OSBPL10: variants seen among roughly 807,000 people sequenced by gnomAD.
The protein encoded by OSBPL10 is oxysterol-binding protein-related protein 10.
In OSBPL10, 49 loss-of-function variants were observed where a neutral mutation model predicts 81.7. The observed-to-expected ratio is 0.60, with a 90% CI of 0.48 to 0.76. The LOEUF (loss-of-function observed/expected upper bound fraction) is 0.76. Among genes scored for constraint, OSBPL10 ranks in the 30% least tolerant of loss-of-function variants. OSBPL10 has a pLI of 0.00. For synonymous variants in OSBPL10, 419 were observed against 383.6 expected (o/e 1.09, Z -1.08); for missense variants, 923 against 987.8 (o/e 0.93, Z 0.88).
chr3:31,710,030 T>C (rs1559427440), intron 6 of OSBPL10, among the ~76,000 whole-genome samples: 1 of 152,138 alleles, frequency 6.6e-6, no homozygotes, highest in Admixed American at 6.5e-5. Flanking sequence ...ATAAAAGTCA[T>C]AGTGAGGATA....
In OSBPL10 at chr3:31,965,359, G is replaced by T. The variant is rs187322331; in HGVS notation, c.281+15540C>A. 5.0e-3 allele frequency among the ~76,000 whole-genome samples: 597 copies of T among 118,938 alleles called. 6 individuals carry two copies. Among genetic ancestry groups the T allele is most frequent in the Middle Eastern group, 0.041 (9 of 220 alleles). The allele number at this position is 118,938 out of a possible 152,430, so 78.0% of individuals were successfully genotyped here. A position where few individuals can be genotyped will look rare whatever the true frequency, so the allele number is the denominator to read the frequency against. On this transcript the variant is annotated intron_variant, in intron 1 of 11. Transcript: ENST00000396556. ...CACTCCAGCCTGGGTGACAGAGCAA[G>T]ACTCCATCTCAAAAAATATATATAT...
chr3:31,927,325 T>C (rs1697103729), intron 1 of OSBPL10, among the ~76,000 whole-genome samples: 1 of 152,234 alleles, frequency 6.6e-6, no homozygotes, highest in Admixed American at 6.5e-5. Flanking sequence ...AACCACATCA[T>C]ATCATAAAAG....
intron 4 of OSBPL10, among the ~76,000 whole-genome samples, chr3:31,781,552 A>T (rs937946102): frequency 1.3e-5 from 2 of 152,190 alleles, no homozygotes; most frequent in Non-Finnish European, 2.9e-5. Context: ...TACCTAGGAA[A>T]CACTAAAGAC....
chr3:32,000,865 A>G (rs1413882579), intron 2 of OSBPL10, among the ~76,000 whole-genome samples: 8 of 152,040 alleles, frequency 5.3e-5, no homozygotes, highest in Non-Finnish European at 1.2e-4. Flanking sequence ...ACAACTGAAT[A>G]CTCTAAGACG....
At chr3:31,670,073 C>T (rs139172959) in intron 9 of OSBPL10, among the ~76,000 whole-genome samples, 24 of 152,308 alleles carry the variant, frequency 1.6e-4, no homozygotes, top group East Asian at 7.7e-4. Context: ...TAGCACTGAA[C>T]GTGAAGTACA....
chr3:31,917,287 A>ACC (rs1317553466), intron 1 of OSBPL10, among the ~76,000 whole-genome samples: 5 of 152,204 alleles, frequency 3.3e-5, no homozygotes, highest in Non-Finnish European at 7.3e-5. Context: ...CCAAATGAGA[A>ACC]AGTAATTCAA....
Position 32,033,591 on chromosome 3 carries a change from G to A in OSBPL10, n.298+12900C>T, listed in dbSNP as rs181890710. Among the ~76,000 whole-genome samples the A allele has an allele frequency of 2.1e-4, 32 of 152,248 alleles. No homozygotes were observed. The East Asian group carries it at 5.6e-3, about 27-fold the overall frequency. On this transcript the variant is annotated intron_variant and non_coding_transcript_variant, in intron 2 of 3. Transcript: ENST00000479173. ...AGTGATATCAACTTCCCTAGACTGTGTAAAAAAGAGACAGAGTTTCATTAA... is the reference window on the plus strand; with the variant it reads ...AGTGATATCAACTTCCCTAGACTGTATAAAAAAGAGACAGAGTTTCATTAA...
At position 31,816,087 on chromosome 3, in the gene OSBPL10, G is replaced by A. The variant is rs563615805; in HGVS notation, c.729+13953C>T. 3.1e-3 allele frequency among the ~76,000 whole-genome samples: 247 copies of A among 79,298 alleles called. 1 individual carries two copies. The highest frequency in any genetic ancestry group is 9.0e-3 in the African/African-American group (240 of 26,654). The allele number at this position is 79,298 out of a possible 152,430, so 52.0% of individuals were successfully genotyped here. A position where few individuals can be genotyped will look rare whatever the true frequency, so the allele number is the denominator to read the frequency against. On this transcript the variant is annotated intron_variant, in intron 4 of 11. Transcript: ENST00000396556. Reference sequence around the variant, plus strand: ...TCAGCAATACTCTAATCGTCAGGAGGAAAGGTTTGAAAGGTATAAAGTCAG... The same window carrying A: ...TCAGCAATACTCTAATCGTCAGGAGAAAAGGTTTGAAAGGTATAAAGTCAG...
intron 4 of OSBPL10, among the ~76,000 whole-genome samples, chr3:31,805,184 A>C (rs2125458796): frequency 6.6e-6 from 1 of 152,106 alleles, no homozygotes; most frequent in Middle Eastern, 3.4e-3. Context: ...GGTATTTCTG[A>C]CTCCTCCTTT....
chr3:31,799,965 C>T (rs141832869), intron 4 of OSBPL10, among the ~76,000 whole-genome samples: 3 of 152,322 alleles, frequency 2.0e-5, no homozygotes, highest in African/African-American at 7.2e-5. Context: ...ACCTTGGCCT[C>T]CCAGAGTGCT....
intron 2 of OSBPL10, among the ~76,000 whole-genome samples, chr3:31,876,756 G>A (rs1214212733): frequency 2.6e-5 from 4 of 152,018 alleles, no homozygotes; most frequent in South Asian, 2.1e-4. Context: ...TGAAATACCC[G>A]TTATAAGAAT....
chr3:31,804,789 T>G (rs1398756077), intron 4 of OSBPL10, among the ~76,000 whole-genome samples: 1 of 152,234 alleles, frequency 6.6e-6, no homozygotes, highest in African/African-American at 2.4e-5. Flanking sequence ...AAAATTAAGC[T>G]TTTTCAGAAG....
intron 2 of OSBPL10, chr3:31,986,526 A>G (rs1382294725): frequency 6.6e-6 from 1 of 152,160 alleles, no homozygotes; most frequent in Non-Finnish European, 1.5e-5. Context: ...CGGGCAGATC[A>G]CGAGGTCAGG....
At position 31,769,458 on chromosome 3, in the gene OSBPL10, ACAAAAAAAAAAC is replaced by A. The variant is rs1302795714; in HGVS notation, c.730-21350_730-21339del. On this transcript the variant is annotated intron_variant, in intron 4 of 11. Coordinates refer to ENST00000396556, the MANE Select transcript of OSBPL10 (RefSeq NM_017784.5). Reference sequence around the variant, plus strand: ...AAAACTCCATCTCAAAAAAAAAAAAACAAAAAAAAAACAAAAAAAAACAGAATAAAAATATAT... The same window carrying A: ...AAAACTCCATCTCAAAAAAAAAAAAAAAAAAAAAACAGAATAAAAATATAT... Among the ~76,000 whole-genome samples the A allele has an allele frequency of 8.9e-4, 79 of 88,876 alleles. 15 individuals are homozygous for A. Among genetic ancestry groups the A allele is most frequent in the African/African-American group, 3.1e-3 (71 of 23,016 alleles). The allele number at this position is 88,876 out of a possible 152,430, so 58.3% of individuals were successfully genotyped here.
intron 8 of OSBPL10, among the ~76,000 whole-genome samples, chr3:31,674,583 TTAGATAGATAGATAGA>T (rs55696700): frequency 0.12 from 18,428 of 147,864 alleles, 1,301 homozygotes; most frequent in East Asian, 0.25. Flanking sequence ...GATAGATAGA[TTAGATAGATAGATAGA>T]TAGATAGATA....
chr3:31,882,448 C>T (rs1403316695), intron 1 of OSBPL10, among the ~76,000 whole-genome samples: 1 of 152,154 alleles, frequency 6.6e-6, no homozygotes, highest in African/African-American at 2.4e-5. Context: ...AATCTTGGGC[C>T]CCACCCAAGC....
At chr3:31,675,899 TTG>T (rs1700458745) in intron 8 of OSBPL10, among the ~76,000 whole-genome samples, 2 of 147,564 alleles carry the variant, frequency 1.4e-5, no homozygotes, top group African/African-American at 5.1e-5. Flanking sequence ...TGAGCCGAGA[TTG>T]CGCCACTGCA....
At chr3:31,960,241 C>T (rs548195744) in intron 1 of OSBPL10, 16 of 152,280 alleles carry the variant, frequency 1.1e-4, no homozygotes, top group Admixed American at 6.5e-4. Context: ...CCTCCCAAAA[C>T]AGCACCTCAT....
At chr3:31,669,371 T>TA (rs1700271355) in intron 9 of OSBPL10, among the ~76,000 whole-genome samples, 1 of 152,200 alleles carries the variant, frequency 6.6e-6, no homozygotes, top group Admixed American at 6.5e-5. Flanking sequence ...ATTTTAACCC[T>TA]AAAAAGTGTG....
Sources: allele counts gnomAD v4.1 joint callset (sites outside exome capture counted in the v4.1 genomes callset), GRCh38; gene constraint gnomAD v4.1.1; transcripts MANE v1.5; gene names NCBI Gene and HGNC (gene_info 2026-07-23, HGNC 2026-07-21).